Variants in RNF133 observed in about 807,000 individuals in gnomAD.
The protein encoded by RNF133 is ring finger protein 133.
For synonymous variants in RNF133, 153 were observed against 152.1 expected (o/e 1.01, Z -0.04); for missense variants, 469 against 450.5 (o/e 1.04, Z -0.37).
At position 122,698,586 on chromosome 7, in the gene RNF133, G is replaced by C; in HGVS notation, c.333C>G (p.Thr111=). Residue 111 remains threonine, a synonymous_variant, in exon 1 of 1, where the codon ACC becomes ACG. Coordinates refer to ENST00000340112, the MANE Select transcript of RNF133 (RefSeq NM_139175.2). The part of the protein sequence containing the change: ...WLALIERGGC[T]FTQKIKVATE... ...TTGCCACTTTAATTTTCTGTGTGAAGGTACAACCTCCCCGTTCAATAAGTG... is the reference window on the plus strand; with the variant it reads ...TTGCCACTTTAATTTTCTGTGTGAACGTACAACCTCCCCGTTCAATAAGTG... 6.2e-7 allele frequency: 1 copy of C among 1,613,994 alleles called. No individual in the cohort carries two copies. The highest frequency in any genetic ancestry group is 8.5e-7 in the Non-Finnish European group (1 of 1,179,904).
At position 122,698,643 on chromosome 7, in the gene RNF133, G is replaced by A. The variant is rs758401726; in HGVS notation, c.276C>T (p.Phe92=). ...IQNACNPNTI[F]SRSKYSETWL... ...AGGTCTCTGAGTACTTTGATCGGCT[G>A]AAAATGGTATTGGGATTACATGCAT... is the stretch of plus-strand genomic sequence containing the variant. Residue 92 remains phenylalanine, a synonymous_variant, in exon 1 of 1, where the codon TTC becomes TTT. Coordinates refer to ENST00000340112, the MANE Select transcript of RNF133 (RefSeq NM_139175.2). 4.0e-5 allele frequency: 64 copies of A among 1,613,924 alleles called. No individual in the cohort carries two copies. In the Middle Eastern group the frequency reaches 9.9e-4, roughly 25 times the overall value.
Position 122,698,994 on chromosome 7 carries a change from G to C in RNF133, c.-76C>G. The C allele has an allele frequency of 3.7e-6, 4 of 1,092,646 alleles. No individual in the cohort carries two copies. The highest frequency in any genetic ancestry group is 5.2e-6 in the Non-Finnish European group (4 of 769,896). 67.7% of individuals were successfully genotyped at this position (1,092,646 alleles called of 1,614,324 possible). A position where few individuals can be genotyped will look rare whatever the true frequency, so the allele number is the denominator to read the frequency against. On this transcript the variant is annotated 5_prime_UTR_variant, in exon 1 of 1. Transcript: ENST00000340112. The stretch of plus-strand genomic sequence containing the variant: ...TTGACAATTAATTTAAAATAACGAA[G>C]AGAAAAAAATCTTCAGGATACAAAC...
chr7:122,698,585 A>T lies in RNF133; in HGVS notation c.334T>A (p.Phe112Ile), dbSNP rs369124530. 23 of 1,613,938 alleles carry T rather than the reference A, an allele frequency of 1.4e-5. No individual in the cohort carries two copies. The highest frequency in any genetic ancestry group is 2.2e-5 in the East Asian group (1 of 44,888). ...LALIERGGCT[F>I]TQKIKVATEK... The stretch of plus-strand genomic sequence containing the variant: ...GTTGCCACTTTAATTTTCTGTGTGA[A>T]GGTACAACCTCCCCGTTCAATAAGT... Residue 112 changes from phenylalanine (F) to isoleucine (I), a missense_variant, in exon 1 of 1, where the codon TTC becomes ATC. Transcript: ENST00000340112.
In RNF133 at chr7:122,698,649, G is replaced by A. The variant is rs1186616206; in HGVS notation, c.270C>T (p.Thr90=). 1 of 1,613,864 alleles carries A rather than the reference G, an allele frequency of 6.2e-7. No individual in the cohort carries two copies. The highest frequency in any genetic ancestry group is 1.3e-5 in the African/African-American group (1 of 74,874). Residue 90 remains threonine, a synonymous_variant, in exon 1 of 1, where the codon ACC becomes ACT. Transcript: ENST00000340112. ...CTGAGTACTTTGATCGGCTGAAAAT[G>A]GTATTGGGATTACATGCATTTTGGA... ...GKIQNACNPN[T]IFSRSKYSET... is the part of the protein sequence containing the mutation.
chr7:122,698,139 A>C lies in RNF133; in HGVS notation c.780T>G (p.Phe260Leu), dbSNP rs2085420999. The C allele has an allele frequency of 6.2e-7, 1 of 1,613,984 alleles. No homozygotes were observed. The part of the protein sequence containing the change: ...NPNGDSCVIC[F>L]ERYKPNDIVR... ...CTATGTCATTAGGCTTATAGCGTTC[A>C]AAGCAAATTACGCAGCTATCCCCAT... Residue 260 changes from phenylalanine to leucine, a missense_variant, in exon 1 of 1, where the codon TTT (phenylalanine) becomes TTG (leucine). Transcript: ENST00000340112.
Position 122,698,166 on chromosome 7 carries a change from T to C in RNF133, c.753A>G (p.Pro251=). Residue 251 remains proline, a synonymous_variant, in exon 1 of 1, where the codon CCA becomes CCG. Transcript: ENST00000340112. ...VVKEGDEEIN[P]NGDSCVICFE... is the part of the protein sequence containing the mutation. ...AGCAAATTACGCAGCTATCCCCATT[T>C]GGATTTATTTCTTCATCCCCCTCTT... 2 of 1,614,040 alleles carry C rather than the reference T, an allele frequency of 1.2e-6. No individual in the cohort carries two copies. The highest frequency in any genetic ancestry group is 1.7e-6 in the Non-Finnish European group (2 of 1,179,940).
rs773128114 is a variant in RNF133, at chr7:122,698,501, A to G, written c.418T>C (p.Phe140Leu). Residue 140 changes from phenylalanine to leucine, a missense_variant, in exon 1 of 1, where the codon TTC becomes CTC. Phe to Leu is a conservative substitution (Grantham distance 22). Transcript: ENST00000340112. ...TCAAATGCCTGATGAAACATGGGGA[A>G]CACCTGGTTGCCAGTACCTGGAACG... ...YNVPGTGNQV[F>L]PMFHQAFEDV... The G allele has an allele frequency of 1.2e-6, 2 of 1,614,018 alleles. No homozygotes were observed. Among genetic ancestry groups the G allele is most frequent in the South Asian group, 2.2e-5 (2 of 91,084 alleles).
In RNF133 at chr7:122,699,042, G is replaced by T; in HGVS notation, c.-124C>A. Reference sequence around the variant, plus strand: ...AACAAGATCCACTGTCTTCCAGCATGTTTTTGTAAGAAATTCTTAAAGATG... The same window carrying T: ...AACAAGATCCACTGTCTTCCAGCATTTTTTTGTAAGAAATTCTTAAAGATG... On this transcript the variant is annotated 5_prime_UTR_variant, in exon 1 of 1. Coordinates refer to ENST00000340112, the MANE Select transcript of RNF133 (RefSeq NM_139175.2). The T allele has an allele frequency of 1.5e-6, 1 of 668,104 alleles. No homozygotes were observed. Among genetic ancestry groups the T allele is most frequent in the Non-Finnish European group, 2.5e-6 (1 of 400,510 alleles). 41.4% of individuals were successfully genotyped at this position (668,104 alleles called of 1,614,324 possible). A position where few individuals can be genotyped will look rare whatever the true frequency, so the allele number is the denominator to read the frequency against.
rs754349503 is a variant in RNF133, at chr7:122,698,350, T to C, written c.569A>G (p.Tyr190Cys). The change falls in exon 1 of 1, where the codon TAT becomes TGT. Residue 190 changes from tyrosine (Y) to cysteine (C), a missense_variant. By Grantham distance (194) the Tyr-to-Cys change is radical. Coordinates refer to ENST00000340112, the MANE Select transcript of RNF133 (RefSeq NM_139175.2). ...TGTGACAATCACAAAAGAGACCAAA[T>C]AGTGATTCATCCAGATGATGTGCTT... ...GRKHIIWMNH[Y>C]LVSFVIVTTA... 1.5e-5 allele frequency: 24 copies of C among 1,613,578 alleles called. No individual in the cohort carries two copies. Among genetic ancestry groups the C allele is most frequent in the Middle Eastern group, 1.6e-4 (1 of 6,082 alleles).
Position 122,698,203 on chromosome 7 carries a change from A to T in RNF133, c.716T>A (p.Leu239His), listed in dbSNP as rs777392998. ...DLQNTFGQLQLRVVKEGDEEI... is the reference protein window; with the variant it reads ...DLQNTFGQLQHRVVKEGDEEI... ...TTCATCCCCCTCTTTTACTACTCGA[A>T]GTTGGAGTTGTCCAAATGTGTTCTG... Residue 239 changes from leucine to histidine, a missense_variant, in exon 1 of 1, where the codon CTT (leucine) becomes CAT (histidine). Physicochemically the swap from Leu to His is moderately conservative, Grantham distance 99. Transcript: ENST00000340112. 7 of 1,613,948 alleles carry T rather than the reference A, an allele frequency of 4.3e-6. No homozygotes were observed. The highest frequency in any genetic ancestry group is 5.9e-6 in the Non-Finnish European group (7 of 1,179,916).
At position 122,698,713 on chromosome 7, in the gene RNF133, T is replaced by C. The variant is rs762642789; in HGVS notation, c.206A>G (p.Lys69Arg). Residue 69 changes from lysine (K) to arginine (R), a missense_variant, in exon 1 of 1, where the codon AAG (lysine) becomes AGG (arginine). Coordinates refer to ENST00000340112, the MANE Select transcript of RNF133 (RefSeq NM_139175.2). ...TGGCACTATAACTCCTGCCACTCTC[T>C]TCAAAGTGGAGCTTCTTCCAAAGAC... ...TGVFGRSSTLKRVAGVIVPPE... is the reference protein window; with the variant it reads ...TGVFGRSSTLRRVAGVIVPPE... 4 of 1,613,538 alleles carry C rather than the reference T, an allele frequency of 2.5e-6. No homozygotes were observed. In the Admixed American group the frequency reaches 6.7e-5, roughly 27 times the overall value.
Position 122,698,186 on chromosome 7 carries a change from CCT to C in RNF133, c.731_732del (p.Glu244GlyfsTer3), listed in dbSNP as rs754818069. On this transcript the variant is annotated frameshift_variant, in exon 1 of 1. Transcript: ENST00000340112. LOFTEE classifies it low-confidence loss of function (END_TRUNC). ...FGQLQLRVVK[E>X]GDEEINPNGD... ...CCATTTGGATTTATTTCTTCATCCCCCTCTTTTACTACTCGAAGTTGGAGTTG... is the reference window on the plus strand; with the variant it reads ...CCATTTGGATTTATTTCTTCATCCCCCTTTTACTACTCGAAGTTGGAGTTG... 30 of 1,613,770 alleles carry C rather than the reference CCT, an allele frequency of 1.9e-5. No homozygotes were observed. The highest frequency in any genetic ancestry group is 2.4e-5 in the Non-Finnish European group (28 of 1,179,890).
Position 122,697,968 on chromosome 7 carries a change from C to A in RNF133, c.951G>T (p.Leu317Phe), listed in dbSNP as rs2085382690. The change falls in exon 1 of 1, where the codon TTG becomes TTT. Residue 317 changes from leucine to phenylalanine, a missense_variant. Leu to Phe is a conservative substitution (Grantham distance 22, BLOSUM62 0). Coordinates refer to ENST00000340112, the MANE Select transcript of RNF133 (RefSeq NM_139175.2). ...QVVVENGTEP[L>F]QVLMSNELPE... ...GCAGTTCATTTGACATTAGAACTTG[C>A]AAAGGTTCTGTTCCATTTTCAACAA... 3.7e-6 allele frequency: 6 copies of A among 1,613,234 alleles called. No homozygotes were observed. The highest frequency in any genetic ancestry group is 1.7e-5 in the Admixed American group (1 of 59,890).
rs145550177 is a variant in RNF133 at position 122,698,639 on chromosome 7, G to A, written c.280C>T (p.Arg94Ter). 102 of 1,613,974 alleles carry A rather than the reference G, an allele frequency of 6.3e-5. No homozygotes were observed. The highest frequency in any genetic ancestry group is 2.1e-4 in the African/African-American group (16 of 74,990). The change falls in exon 1 of 1, where the codon CGA (arginine) becomes TGA (stop). Residue 94 changes from arginine (R) to a stop codon, truncating the protein, a stop_gained. Coordinates refer to ENST00000340112, the MANE Select transcript of RNF133 (RefSeq NM_139175.2). LOFTEE classifies it low-confidence loss of function (END_TRUNC). ...AGCCAGGTCTCTGAGTACTTTGATC[G>A]GCTGAAAATGGTATTGGGATTACAT... The part of the protein sequence containing the change: ...NACNPNTIFS[R>*]SKYSETWLAL...
Position 122,698,899 on chromosome 7 carries a change from C to G in RNF133, c.20G>C (p.Gly7Ala). MHLLKV[G>A]TWRNNTASSW... is the part of the protein sequence containing the mutation. Reference sequence around the variant, plus strand: ...AGAGGCAGTGTTGTTTCTCCAAGTGCCAACCTTGAGTAGATGCATCTCTCT... The same window carrying G: ...AGAGGCAGTGTTGTTTCTCCAAGTGGCAACCTTGAGTAGATGCATCTCTCT... Residue 7 changes from glycine (G) to alanine (A), a missense_variant, in exon 1 of 1, where the codon GGC (glycine) becomes GCC (alanine). Gly to Ala is a moderately conservative substitution (Grantham distance 60). Coordinates refer to ENST00000340112, the MANE Select transcript of RNF133 (RefSeq NM_139175.2). 1 of 1,594,194 alleles carries G rather than the reference C, an allele frequency of 6.3e-7. No individual in the cohort carries two copies. Among genetic ancestry groups the G allele is most frequent in the Non-Finnish European group, 8.5e-7 (1 of 1,171,204 alleles).
Position 122,697,743 on chromosome 7 carries a change from T to G in RNF133, c.*45A>C. 7.0e-7 allele frequency: 1 copy of G among 1,434,766 alleles called. No homozygotes were observed. The highest frequency in any genetic ancestry group is 9.4e-7 in the Non-Finnish European group (1 of 1,063,914). The allele number at this position is 1,434,766 out of a possible 1,614,324, so 88.9% of individuals were successfully genotyped here. ...CAAACTGCTTGTCAGTATTAGGACC[T>G]GATTTCACATACAGGTTTAATACAC... On this transcript the variant is annotated 3_prime_UTR_variant, in exon 1 of 1. Coordinates refer to ENST00000340112, the MANE Select transcript of RNF133 (RefSeq NM_139175.2).
rs1396161513 is a variant in RNF133 at position 122,698,177 on chromosome 7, C to A, written c.742G>T (p.Glu248Ter). Reference protein sequence around the residue: ...QLRVVKEGDEEINPNGDSCVI... With the variant: ...QLRVVKEGDE ...CAGCTATCCCCATTTGGATTTATTT[C>A]TTCATCCCCCTCTTTTACTACTCGA... The change falls in exon 1 of 1, where the codon GAA becomes TAA. Residue 248 changes from glutamate (E) to a stop codon, truncating the protein, a stop_gained. Transcript: ENST00000340112. LOFTEE classifies it low-confidence loss of function (END_TRUNC). 6.2e-7 allele frequency: 1 copy of A among 1,613,800 alleles called. No individual in the cohort carries two copies. Among genetic ancestry groups the A allele is most frequent in the Non-Finnish European group, 8.5e-7 (1 of 1,179,880 alleles).
rs145587897 is a variant in RNF133 at position 122,698,394 on chromosome 7, G to C, written c.525C>G (p.Ala175=). ...HLIKKGVLIT[A]VVEVGRKHII... is the part of the protein sequence containing the mutation. The stretch of plus-strand genomic sequence containing the variant: ...TGTGCTTTCTCCCCACCTCAACCAC[G>C]GCTGTAATGAGAACTCCCTTCTTAA... The change falls in exon 1 of 1, where the codon GCC becomes GCG. Residue 175 remains alanine (A), a synonymous_variant. Transcript: ENST00000340112. The C allele has an allele frequency of 6.8e-6, 11 of 1,613,722 alleles. No homozygotes were observed. The highest frequency in any genetic ancestry group is 1.6e-4 in the Middle Eastern group (1 of 6,084).
rs1204561299 is a variant in RNF133 at position 122,697,739 on chromosome 7, G to A, written c.*49C>T. The A allele has an allele frequency of 1.5e-6, 2 of 1,373,160 alleles. No individual in the cohort carries two copies. The highest frequency in any genetic ancestry group is 1.5e-5 in the African/African-American group (1 of 68,924). The allele number at this position is 1,373,160 out of a possible 1,614,324, so 85.1% of individuals were successfully genotyped here. ...CAGACAAACTGCTTGTCAGTATTAG[G>A]ACCTGATTTCACATACAGGTTTAAT... is the stretch of plus-strand genomic sequence containing the variant. On this transcript the variant is annotated 3_prime_UTR_variant, in exon 1 of 1. Coordinates refer to ENST00000340112, the MANE Select transcript of RNF133 (RefSeq NM_139175.2).
Sources: gnomAD v4.1 joint callset for allele counts on GRCh38, gnomAD v4.1.1 for gene constraint, MANE v1.5 for transcripts, NCBI Gene and HGNC (gene_info 2026-07-23, HGNC 2026-07-21) for gene names.